Variants in SGCZ observed in about 807,000 individuals in gnomAD.
SGCZ encodes sarcoglycan zeta.
Under a neutral mutation model 41.3 loss-of-function variants are expected in SGCZ, and 40 were observed. The observed-to-expected ratio is 0.97, with a 90% CI of 0.75 to 1.26. The LOEUF (loss-of-function observed/expected upper bound fraction) is 1.26. Among genes scored for constraint, SGCZ ranks in the 50% most tolerant of loss-of-function variants. SGCZ has a pLI of 0.00. For synonymous variants in SGCZ, 206 were observed against 137.5 expected, an observed-to-expected ratio of 1.50 and a Z score of -3.49; for missense variants, 552 against 369.8, an observed-to-expected ratio of 1.49 and a Z score of -4.04.
chr8:14,529,764 T>A (rs1044739883), intron 2 of SGCZ, among the ~76,000 whole-genome samples: 2 of 152,116 alleles, frequency 1.3e-5, no homozygotes, highest in African/African-American at 4.8e-5. Flanking sequence ...CTTAAAATGC[T>A]TCTCTGGAGT....
chr8:14,804,011 T>C (rs1267230999), intron 1 of SGCZ, among the ~76,000 whole-genome samples: 1 of 124,776 alleles, frequency 8.0e-6, no homozygotes, highest in Non-Finnish European at 1.6e-5. Flanking sequence ...GACCTGCACC[T>C]GAGGGTGCTG....
At chr8:14,607,542 A>C (rs1012425458) in intron 1 of SGCZ, among the ~76,000 whole-genome samples, 1 of 152,172 alleles carries the variant, frequency 6.6e-6, no homozygotes, top group Non-Finnish European at 1.5e-5. Context: ...TATGCAGGAA[A>C]ATTTGGCAGC....
chr8:14,376,718 G>A (rs1278868569), intron 2 of SGCZ, among the ~76,000 whole-genome samples: 2 of 152,098 alleles, frequency 1.3e-5, no homozygotes, highest in Non-Finnish European at 2.9e-5. Context: ...AGATAAAGGT[G>A]CCATAAAAGA....
intron 1 of SGCZ, among the ~76,000 whole-genome samples, chr8:14,847,126 A>AAAGAAG (rs61002020): frequency 0.13 from 16,175 of 126,216 alleles, 1,188 homozygotes; most frequent in East Asian, 0.2. Context: ...GAAGAAGAAG[A>AAAGAAG]AAGAAGAAGA....
intron 2 of SGCZ, among the ~76,000 whole-genome samples, chr8:14,486,034 G>T (rs1801664589): frequency 6.6e-6 from 1 of 151,606 alleles, no homozygotes; most frequent in African/African-American, 2.4e-5. Flanking sequence ...GTAGAGACGG[G>T]GTAGAACAAT....
chr8:14,247,369 T>G (rs1356141249), intron 3 of SGCZ, among the ~76,000 whole-genome samples: 1 of 152,272 alleles, frequency 6.6e-6, no homozygotes, highest in East Asian at 1.9e-4. Context: ...TATTGATGAA[T>G]ATGTATCCAG....
At chr8:14,721,985 G>C (rs1809901377) in intron 1 of SGCZ, among the ~76,000 whole-genome samples, 1 of 152,008 alleles carries the variant, frequency 6.6e-6, no homozygotes, top group Admixed American at 6.6e-5. Context: ...CCCTCTCTCA[G>C]GTGTTTCTAT....
intron 1 of SGCZ, among the ~76,000 whole-genome samples, chr8:14,767,113 T>C (rs1187624121): frequency 6.6e-6 from 1 of 152,194 alleles, no homozygotes; most frequent in Non-Finnish European, 1.5e-5. Context: ...ACTTTGGAGC[T>C]TGTCAATATT....
chr8:14,763,105 C>T (rs1799941266), intron 1 of SGCZ, among the ~76,000 whole-genome samples: 1 of 152,056 alleles, frequency 6.6e-6, no homozygotes, highest in South Asian at 2.1e-4. Flanking sequence ...GCTGGTGTTT[C>T]CTAAGTTCTT....
intron 1 of SGCZ, among the ~76,000 whole-genome samples, chr8:14,702,830 TAGATAGATAGATA>T (rs1809195501): frequency 1.0e-5 from 1 of 98,568 alleles, no homozygotes; most frequent in African/African-American, 4.5e-5. Flanking sequence ...GATAGATAGA[TAGATAGATAGATA>T]GATAGATAGA....
In SGCZ at chr8:15,142,747, G is replaced by C. The variant is rs574822606; in HGVS notation, c.39+94838C>G. 4.6e-5 allele frequency among the ~76,000 whole-genome samples: 7 copies of C among 151,410 alleles called. 1 individual carries two copies. Among genetic ancestry groups the C allele is most frequent in the African/African-American group, 1.7e-4 (7 of 41,222 alleles). ...CAACCTCAGCCTCCCGAGTAGCTGGGCCTACAGGCACACATCACCGCACCC... is the reference window on the plus strand; with the variant it reads ...CAACCTCAGCCTCCCGAGTAGCTGGCCCTACAGGCACACATCACCGCACCC... On this transcript the variant is annotated intron_variant, in intron 1 of 7. Coordinates refer to ENST00000382080, the MANE Select transcript of SGCZ (RefSeq NM_139167.4).
chr8:14,930,059 G>A (rs1039188315), intron 1 of SGCZ, among the ~76,000 whole-genome samples: 1 of 151,910 alleles, frequency 6.6e-6, no homozygotes, highest in African/African-American at 2.4e-5. Context: ...TCAAAAATTT[G>A]GAGTTGTTCT....
chr8:15,054,419 C>T (rs1804629250), intron 1 of SGCZ, among the ~76,000 whole-genome samples: 1 of 152,010 alleles, frequency 6.6e-6, no homozygotes, highest in Non-Finnish European at 1.5e-5. Flanking sequence ...CTGGTGTCAC[C>T]CCCACACCAC....
chr8:14,237,521 A>C (rs1806808115), intron 4 of SGCZ, 71 bp downstream of exon 4: 1 of 1,360,994 alleles, frequency 7.3e-7, no homozygotes, highest in African/African-American at 1.5e-5. Context: ...CAACAACAAG[A>C]ACCAAAAACC....
intron 2 of SGCZ, among the ~76,000 whole-genome samples, chr8:14,378,635 G>A (rs1266192293): frequency 6.6e-6 from 1 of 152,156 alleles, no homozygotes; most frequent in African/African-American, 2.4e-5. Flanking sequence ...GAGAACCCTT[G>A]ATTTATAGCT....
chr8:14,327,464 G>A (rs192422356), intron 2 of SGCZ, among the ~76,000 whole-genome samples: 108 of 152,256 alleles, frequency 7.1e-4, no homozygotes, highest in South Asian at 2.7e-3. Context: ...GCGCTCCTTG[G>A]AGTTGTTACA....
chr8:15,205,362 C>G (rs9918930), intron 1 of SGCZ, among the ~76,000 whole-genome samples: 8,381 of 152,090 alleles, frequency 0.055, 257 homozygotes, highest in South Asian at 0.074. Flanking sequence ...ATGCATCTGA[C>G]AAAGGTCTAA....
intron 2 of SGCZ, among the ~76,000 whole-genome samples, chr8:14,442,340 C>G (rs1297055437): frequency 6.6e-6 from 1 of 152,172 alleles, no homozygotes; most frequent in Non-Finnish European, 1.5e-5. Context: ...ACTCTCTTGC[C>G]TGCTGCCATG....
At chr8:14,472,488 T>A (rs544123551) in intron 2 of SGCZ, among the ~76,000 whole-genome samples, 101 of 152,196 alleles carry the variant, frequency 6.6e-4, no homozygotes, top group African/African-American at 2.4e-3. Flanking sequence ...TTTTATCACT[T>A]AGAATGTGAT....
Sources: gnomAD v4.1 joint callset for allele counts (sites outside exome capture counted in the v4.1 genomes callset) on GRCh38, gnomAD v4.1.1 for gene constraint, MANE v1.5 for transcripts, NCBI Gene and HGNC (gene_info 2026-07-23, HGNC 2026-07-21) for gene names.